The following ARHGEF3 variants were observed in gnomAD, a reference collection of about 807,000 sequenced individuals.
ARHGEF3 encodes Rho guanine nucleotide exchange factor 3.
ARHGEF3 carries 28 observed loss-of-function variants against 63.2 expected under a neutral mutation model. The observed-to-expected ratio is 0.44, with a 90% confidence interval of 0.33 to 0.61. ARHGEF3 has a LOEUF of 0.61. Among genes scored for constraint, ARHGEF3 ranks in the 20% least tolerant of loss-of-function variants. The pLI is 0.03. For missense variants in ARHGEF3, 533 were observed against 659.3 expected (o/e 0.81, Z 2.10); for synonymous variants, 266 against 254.2 (o/e 1.05, Z -0.44).
At chr3:56,965,095 A>AT (rs1373301264) in intron 2 of ARHGEF3, among the ~76,000 whole-genome samples, 2 of 152,002 alleles carry the variant, frequency 1.3e-5, no homozygotes, top group African/African-American at 2.4e-5. Context: ...TACAAAAAAA[A>AT]TTTTTTTTAA....
intron 2 of ARHGEF3, among the ~76,000 whole-genome samples, chr3:57,029,507 C>T (rs1703638541): frequency 6.6e-6 from 1 of 152,166 alleles, no homozygotes; most frequent in Non-Finnish European, 1.5e-5. Context: ...AAGACCCAAT[C>T]CAGCACATCC....
At chr3:57,045,967 A>T (rs559272909) in intron 1 of ARHGEF3, among the ~76,000 whole-genome samples, 1 of 152,328 alleles carries the variant, frequency 6.6e-6, no homozygotes, top group East Asian at 1.9e-4. Flanking sequence ...ATCATTCATT[A>T]CTTGCAAGGA....
At chr3:56,864,690 G>A (rs1388132118) in intron 4 of ARHGEF3, among the ~76,000 whole-genome samples, 1 of 152,108 alleles carries the variant, frequency 6.6e-6, no homozygotes, top group Non-Finnish European at 1.5e-5. Flanking sequence ...ATGAAAGAAT[G>A]AGGAAAGAAT....
intron 4 of ARHGEF3, among the ~76,000 whole-genome samples, chr3:56,847,773 T>G (rs947018465): frequency 3.9e-5 from 6 of 152,180 alleles, no homozygotes; most frequent in African/African-American, 9.7e-5. Flanking sequence ...AGACAGGGTT[T>G]TACCATGTTG....
chr3:56,927,618 C>T (rs2042307527), intron 3 of ARHGEF3, among the ~76,000 whole-genome samples: 1 of 151,970 alleles, frequency 6.6e-6, no homozygotes, highest in South Asian at 2.1e-4. Context: ...GGATCAGGCA[C>T]CTAAAGTGTG....
At chr3:56,849,735 T>C (rs2039610124) in intron 4 of ARHGEF3, among the ~76,000 whole-genome samples, 1 of 152,182 alleles carries the variant, frequency 6.6e-6, no homozygotes, top group East Asian at 1.9e-4. Flanking sequence ...GATATCAATC[T>C]TAAAGTAGCA....
chr3:56,769,103 G>T (rs2035869809), intron 2 of ARHGEF3, among the ~76,000 whole-genome samples: 1 of 152,162 alleles, frequency 6.6e-6, no homozygotes, highest in East Asian at 1.9e-4. Flanking sequence ...TTTCCATAAT[G>T]AACATTCACT....
At chr3:56,772,130 C>A (rs1422012058) in intron 2 of ARHGEF3, among the ~76,000 whole-genome samples, 1 of 152,186 alleles carries the variant, frequency 6.6e-6, no homozygotes, top group Non-Finnish European at 1.5e-5. Flanking sequence ...AGGGTATTAA[C>A]CAGGGATCCA....
intron 4 of ARHGEF3, among the ~76,000 whole-genome samples, chr3:56,817,519 T>G (rs1159117897): frequency 6.6e-6 from 1 of 152,210 alleles, no homozygotes; most frequent in Admixed American, 6.5e-5. Context: ...TAACTTCAGC[T>G]GGAACAGAAA....
At chr3:56,838,760 C>T (rs2039207914) in intron 4 of ARHGEF3, among the ~76,000 whole-genome samples, 1 of 152,032 alleles carries the variant, frequency 6.6e-6, no homozygotes, top group Admixed American at 6.6e-5. Flanking sequence ...CCCTAAAATA[C>T]CAAGAGATCA....
In ARHGEF3 at chr3:57,009,632, C is replaced by T. The variant is rs571409221; in HGVS notation, c.62+25456G>A. On this transcript the variant is annotated intron_variant, in intron 2 of 12. Transcript: ENST00000338458. Reference sequence around the variant, plus strand: ...AAACAAAAAGTGAGCCACACTGCTGCGGGAAACAAATGAGAGTGCGTGGAG... The same window carrying T: ...AAACAAAAAGTGAGCCACACTGCTGTGGGAAACAAATGAGAGTGCGTGGAG... 3.9e-4 allele frequency among the ~76,000 whole-genome samples: 60 copies of T among 152,232 alleles called. 1 individual carries two copies. Among genetic ancestry groups the T allele is most frequent in the Admixed American group, 9.8e-4 (15 of 15,298 alleles).
intron 2 of ARHGEF3, among the ~76,000 whole-genome samples, chr3:56,765,497 G>A (rs899438642): frequency 6.6e-6 from 1 of 152,136 alleles, no homozygotes; most frequent in Non-Finnish European, 1.5e-5. Flanking sequence ...TTATGACCTT[G>A]GACCAAGGGA....
chr3:56,731,223 G>A (rs1293431795), intron 9 of ARHGEF3, among the ~76,000 whole-genome samples: 1 of 152,160 alleles, frequency 6.6e-6, no homozygotes, highest in African/African-American at 2.4e-5. Context: ...TCTCAGAGAA[G>A]TGTTCCCTAT....
chr3:57,034,225 C>A (rs1703854929), intron 2 of ARHGEF3, among the ~76,000 whole-genome samples: 2 of 151,068 alleles, frequency 1.3e-5, no homozygotes, highest in South Asian at 4.2e-4. Flanking sequence ...CCTTAAACTC[C>A]TAGGCTGAGG....
chr3:56,934,360 T>C (rs901972104), intron 3 of ARHGEF3, among the ~76,000 whole-genome samples: 13 of 152,370 alleles, frequency 8.5e-5, no homozygotes, highest in Non-Finnish European at 1.5e-4. Flanking sequence ...GCTCCCACTT[T>C]GGCAGCATTT....
At chr3:56,732,960 C>T (rs1184855593) in intron 8 of ARHGEF3, among the ~76,000 whole-genome samples, 2 of 151,708 alleles carry the variant, frequency 1.3e-5, no homozygotes, top group Non-Finnish European at 1.5e-5. Context: ...CTAGGCTGGC[C>T]AACATGGTGA....
intron 4 of ARHGEF3, among the ~76,000 whole-genome samples, chr3:56,849,158 G>A (rs1425305243): frequency 2.0e-5 from 3 of 152,150 alleles, no homozygotes; most frequent in Non-Finnish European, 2.9e-5. Flanking sequence ...CTTTTGTGAG[G>A]CTTCTTCATT....
intron 4 of ARHGEF3, among the ~76,000 whole-genome samples, chr3:56,841,125 T>A (rs1201220898): frequency 1.3e-5 from 2 of 152,142 alleles, no homozygotes; most frequent in Non-Finnish European, 2.9e-5. Context: ...ACTGATCAAG[T>A]TCAGGTCAAA....
At chr3:57,053,205 G>T (rs752332931) in intron 1 of ARHGEF3, among the ~76,000 whole-genome samples, 3 of 152,144 alleles carry the variant, frequency 2.0e-5, no homozygotes, top group Admixed American at 2.0e-4. Flanking sequence ...CCTCTCAAGC[G>T]CCTGCTCTCT....
Sources: gnomAD v4.1 joint callset for allele counts (sites outside exome capture counted in the v4.1 genomes callset) on GRCh38, gnomAD v4.1.1 for gene constraint, MANE v1.5 for transcripts, NCBI Gene and HGNC (gene_info 2026-07-23, HGNC 2026-07-21) for gene names.